The following TMEM178A variants were observed in gnomAD, a reference collection of about 807,000 sequenced individuals.
TMEM178A encodes transmembrane protein 178A.
A neutral mutation model predicts 29.1 loss-of-function variants in TMEM178A; 12 were observed. The observed-to-expected ratio is 0.41, with a 90% CI of 0.26 to 0.67. TMEM178A has a LOEUF of 0.67. Among genes scored for constraint, TMEM178A ranks in the 30% least tolerant of loss-of-function variants. The pLI is 0.29. For synonymous variants in TMEM178A, 210 were observed against 187.2 expected (o/e 1.12, Z -0.99); for missense variants, 366 against 419.1 (o/e 0.87, Z 1.11).
intron 1 of TMEM178A, among the ~76,000 whole-genome samples, chr2:39,703,658 G>A (rs1217601605): frequency 6.6e-6 from 1 of 152,178 alleles, no homozygotes; most frequent in African/African-American, 2.4e-5. Flanking sequence ...ATGGAAAAAT[G>A]TCTTCTGGTT....
chr2:39,720,663 C>T (rs1055237491), downstream of TMEM178A, among the ~76,000 whole-genome samples: 1 of 152,220 alleles, frequency 6.6e-6, no homozygotes, highest in Admixed American at 6.5e-5. Context: ...TCCCGGTGCT[C>T]AGCCCACCCA....
chr2:39,726,423 G>A, the TMEM178A span, among the ~76,000 whole-genome samples: 1 of 152,186 alleles, frequency 6.6e-6, no homozygotes, highest in Non-Finnish European at 1.5e-5. Flanking sequence ...ATGAAAGTGA[G>A]AGTGTTGAGA....
intron 1 of TMEM178A, among the ~76,000 whole-genome samples, chr2:39,685,830 G>A (rs1000414218): frequency 6.6e-6 from 1 of 152,198 alleles, no homozygotes; most frequent in Non-Finnish European, 1.5e-5. Context: ...TCCAGGATAG[G>A]GAGGCTGTGT....
rs554128918 is a variant in TMEM178A at position 39,693,608 on chromosome 2, C to G, written c.401-10473C>G. Among the ~76,000 whole-genome samples, 6 of 152,214 alleles carry G rather than the reference C, an allele frequency of 3.9e-5. No individual in the cohort carries two copies. The South Asian group carries it at 1.0e-3, about 26-fold the overall frequency. On this transcript the variant is annotated intron_variant, in intron 1 of 3. Coordinates refer to ENST00000281961, the MANE Select transcript of TMEM178A (RefSeq NM_152390.3). ...TGTCTCTACATTGTGGTTCTCTTGT[C>G]TCCTGCTAGAGAGGGAAGAAAAAGG...
At chr2:39,669,358 G>A (rs1468416512) in intron 1 of TMEM178A, among the ~76,000 whole-genome samples, 1 of 152,216 alleles carries the variant, frequency 6.6e-6, no homozygotes, top group Non-Finnish European at 1.5e-5. Context: ...AGACAAGAGA[G>A]ATATATTTCT....
chr2:39,726,990 C>G, the TMEM178A span, among the ~76,000 whole-genome samples: 1 of 152,198 alleles, frequency 6.6e-6, no homozygotes, highest in East Asian at 1.9e-4. Context: ...AGATAAAAAG[C>G]TGAGCTCTTC....
the TMEM178A span, among the ~76,000 whole-genome samples, chr2:39,723,145 G>C: frequency 1.3e-5 from 2 of 152,170 alleles, no homozygotes; most frequent in Admixed American, 6.5e-5. Flanking sequence ...AGCTTTGCCT[G>C]TTAGGTTGAT....
At chr2:39,730,263 C>T in the TMEM178A span, among the ~76,000 whole-genome samples, 1 of 152,280 alleles carries the variant, frequency 6.6e-6, no homozygotes, top group African/African-American at 2.4e-5. Flanking sequence ...ACCCTGGGTG[C>T]TCAGAGTGGA....
At position 39,666,081 on chromosome 2, in the gene TMEM178A, C is replaced by A. The variant is rs1183008006; in HGVS notation, c.107C>A (p.Pro36His). The stretch of plus-strand genomic sequence containing the variant: ...ACCGACCACTGGTACGAGACCGACC[C>A]CCGGCGCCACAAGGAGAGCTGCGAG... The part of the protein sequence containing the change: ...IFTDHWYETD[P>H]RRHKESCERS... Residue 36 changes from proline to histidine, a missense_variant, in exon 1 of 4, where the codon CCC becomes CAC. By Grantham distance (77) the Pro-to-His change is moderately conservative. Around this residue, in one of 2 missense-constraint regions of TMEM178A, gnomAD observed 247 missense variants for 246.8 expected, o/e 1.00. Coordinates refer to ENST00000281961, the MANE Select transcript of TMEM178A (RefSeq NM_152390.3). 1 of 1,569,680 alleles carries A rather than the reference C, an allele frequency of 6.4e-7. No homozygotes were observed. The highest frequency in any genetic ancestry group is 1.4e-5 in the African/African-American group (1 of 70,916).
chr2:39,678,981 T>G (rs1329761047), intron 1 of TMEM178A, among the ~76,000 whole-genome samples: 3 of 152,232 alleles, frequency 2.0e-5, no homozygotes, highest in Non-Finnish European at 2.9e-5. Flanking sequence ...AGCTTAGTGC[T>G]ATTCTTATTT....
the TMEM178A span, among the ~76,000 whole-genome samples, chr2:39,734,915 C>G: frequency 7.9e-5 from 12 of 152,186 alleles, no homozygotes; most frequent in African/African-American, 2.9e-4. Flanking sequence ...ATCCAGAATC[C>G]ATGTGCCTCC....
At chr2:39,720,528 G>A (rs1265043833), downstream of TMEM178A, among the ~76,000 whole-genome samples, 2 of 152,068 alleles carry the variant, frequency 1.3e-5, no homozygotes, top group South Asian at 2.1e-4. Flanking sequence ...CAACACTCCC[G>A]GACACCTTCC....
chr2:39,732,059 A>C, the TMEM178A span, among the ~76,000 whole-genome samples: 1 of 152,078 alleles, frequency 6.6e-6, no homozygotes, highest in Non-Finnish European at 1.5e-5. Context: ...CTGACCATCC[A>C]TCTAAACTGA....
chr2:39,723,458 AAG>A, the TMEM178A span, among the ~76,000 whole-genome samples: 1 of 152,214 alleles, frequency 6.6e-6, no homozygotes, highest in African/African-American at 2.4e-5. Flanking sequence ...AATTAATTCT[AAG>A]AGGATGGCAG....
the TMEM178A span, among the ~76,000 whole-genome samples, chr2:39,727,708 C>T: frequency 6.6e-6 from 1 of 151,420 alleles, no homozygotes; most frequent in African/African-American, 2.4e-5. Flanking sequence ...TAATGCTATC[C>T]CTCCCCCAGC....
chr2:39,709,438 C>T (rs1364309881), intron 3 of TMEM178A, among the ~76,000 whole-genome samples: 1 of 152,230 alleles, frequency 6.6e-6, no homozygotes, highest in African/African-American at 2.4e-5. Flanking sequence ...GCCACCAGGA[C>T]TGTAGCACAG....
At chr2:39,730,507 CAG>C in the TMEM178A span, among the ~76,000 whole-genome samples, 1 of 152,124 alleles carries the variant, frequency 6.6e-6, no homozygotes, top group Non-Finnish European at 1.5e-5. Flanking sequence ...AGACCAAATC[CAG>C]ACTGTCTGGC....
At chr2:39,724,637 C>T in the TMEM178A span, among the ~76,000 whole-genome samples, 1 of 152,114 alleles carries the variant, frequency 6.6e-6, no homozygotes, top group Non-Finnish European at 1.5e-5. Flanking sequence ...AGAGACTGGT[C>T]GCTGTGCAGT....
At chr2:39,721,621 A>T (rs1672708442), downstream of TMEM178A, among the ~76,000 whole-genome samples, 1 of 152,168 alleles carries the variant, frequency 6.6e-6, no homozygotes. Context: ...TGGTCACAGT[A>T]AAGAGTTTGG....
Sources: gnomAD v4.1 joint callset for allele counts (sites outside exome capture counted in the v4.1 genomes callset) on GRCh38, gnomAD v4.1.1 for gene constraint, gnomAD v4.1.1 regional missense constraint, MANE v1.5 for transcripts, NCBI Gene and HGNC (gene_info 2026-07-23, HGNC 2026-07-21) for gene names.